The following PLD1 variants were observed in gnomAD, a reference collection of about 807,000 sequenced individuals.
PLD1 encodes choline phosphatase 1.
PLD1 carries 112 observed loss-of-function variants against 137.1 expected under a neutral mutation model. That is an observed-to-expected ratio of 0.82 (90% CI 0.70 to 0.96). PLD1 has a LOEUF of 0.96. Among genes scored for constraint, PLD1 ranks in the 40% least tolerant of loss-of-function variants. The probability of loss-of-function intolerance (pLI) is 0.00; values close to 1 mark genes in which losing one functional copy is unlikely to be tolerated. For synonymous variants in PLD1, 431 were observed against 454.7 expected (o/e 0.95, Z 0.66); for missense variants, 1,321 against 1,342.0 (o/e 0.98, Z 0.24).
At chr3:171,763,939 A>G (rs1293767281) in intron 1 of PLD1, among the ~76,000 whole-genome samples, 1 of 149,762 alleles carries the variant, frequency 6.7e-6, no homozygotes, top group Non-Finnish European at 1.5e-5. Context: ...TCTTTCTCAG[A>G]CATCATTAGG....
chr3:171,626,811 T>C (rs1734154907), intron 23 of PLD1, among the ~76,000 whole-genome samples: 1 of 152,172 alleles, frequency 6.6e-6, no homozygotes, highest in Admixed American at 6.5e-5. Context: ...CTGAGACATT[T>C]TGTCACCTCC....
At chr3:171,605,207 AC>A in intron 26 of PLD1, 91 bp downstream of exon 26, 1 of 817,444 alleles carries the variant, frequency 1.2e-6, no homozygotes, top group Non-Finnish European at 2.2e-6. Flanking sequence ...TATTAAGAAT[AC>A]CCTGTACCAA....
intron 16 of PLD1, among the ~76,000 whole-genome samples, chr3:171,682,040 T>C (rs1489781769): frequency 6.6e-6 from 1 of 151,596 alleles, no homozygotes; most frequent in African/African-American, 2.4e-5. Flanking sequence ...GTGGCACTTG[T>C]ATACCTATGT....
At chr3:171,671,717 A>G (rs951827404) in intron 19 of PLD1, among the ~76,000 whole-genome samples, 1 of 152,128 alleles carries the variant, frequency 6.6e-6, no homozygotes, top group African/African-American at 2.4e-5. Context: ...TGGTGGTTTT[A>G]TAATACACTG....
At chr3:171,673,410 T>C (rs941349968) in intron 19 of PLD1, among the ~76,000 whole-genome samples, 3 of 151,812 alleles carry the variant, frequency 2.0e-5, no homozygotes, top group Non-Finnish European at 4.4e-5. Flanking sequence ...GCCTCCCGAG[T>C]AGCTAGGATT....
chr3:171,736,947 G>C (rs1011235396), intron 3 of PLD1, among the ~76,000 whole-genome samples: 18 of 152,202 alleles, frequency 1.2e-4, no homozygotes, highest in African/African-American at 4.3e-4. Context: ...TTACTCCAAA[G>C]CCTTTTCAGC....
At chr3:171,620,742 CTA>C (rs869115087) in intron 23 of PLD1, among the ~76,000 whole-genome samples, 37,375 of 93,812 alleles carry the variant, frequency 0.4, 7,631 homozygotes, top group East Asian at 0.52. Flanking sequence ...CTCTCTCTCT[CTA>C]TATATATATA....
At chr3:171,726,631 G>A (rs1718534481) in intron 6 of PLD1, among the ~76,000 whole-genome samples, 1 of 151,664 alleles carries the variant, frequency 6.6e-6, no homozygotes, top group Admixed American at 6.6e-5. Flanking sequence ...GAATGGGGAG[G>A]GCTTTGAACA....
chr3:171,633,749 C>A (rs955831282), intron 23 of PLD1, among the ~76,000 whole-genome samples: 19 of 152,050 alleles, frequency 1.2e-4, no homozygotes, highest in Non-Finnish European at 7.4e-5. Flanking sequence ...AGTATATGTA[C>A]GTATCTAATC....
At chr3:171,632,704 T>G (rs567333523) in intron 23 of PLD1, among the ~76,000 whole-genome samples, 158 of 152,346 alleles carry the variant, frequency 1.0e-3, no homozygotes, top group African/African-American at 3.6e-3. Flanking sequence ...GAAGGATATA[T>G]GGCAGTCCTG....
chr3:171,706,089 T>TAC (rs1221195707), intron 11 of PLD1, among the ~76,000 whole-genome samples: 1 of 151,940 alleles, frequency 6.6e-6, no homozygotes, highest in Non-Finnish European at 1.5e-5. Context: ...CAGAAAGAAA[T>TAC]ACATTATACA....
At chr3:171,746,822 G>A (rs1720224381) in intron 1 of PLD1, among the ~76,000 whole-genome samples, 1 of 152,224 alleles carries the variant, frequency 6.6e-6, no homozygotes, top group South Asian at 2.1e-4. Context: ...GCCCAGATAA[G>A]GCAATAAAAG....
At chr3:171,709,491 G>A in intron 10 of PLD1, 69 bp downstream of exon 10, 3 of 1,324,022 alleles carry the variant, frequency 2.3e-6, no homozygotes, top group Non-Finnish European at 3.2e-6. Flanking sequence ...CTGATTCCAG[G>A]TGAATTTAGG....
chr3:171,682,190 G>A (rs1275687651), intron 16 of PLD1, among the ~76,000 whole-genome samples: 1 of 144,786 alleles, frequency 6.9e-6, no homozygotes, highest in African/African-American at 2.6e-5. Flanking sequence ...AAGAAAGAAA[G>A]GGAATAAAAT....
chr3:171,616,738 T>C (rs1452295857), intron 24 of PLD1, among the ~76,000 whole-genome samples: 1 of 152,176 alleles, frequency 6.6e-6, no homozygotes, highest in Non-Finnish European at 1.5e-5. Context: ...TCTAAAAGAA[T>C]GCAACAGCCC....
At position 171,737,881 on chromosome 3, in the gene PLD1, TC is replaced by T. The variant is rs754712936; in HGVS notation, c.160+10del. The T allele has an allele frequency of 1.9e-6, 3 of 1,611,330 alleles. No homozygotes were observed. Among genetic ancestry groups the T allele is most frequent in the African/African-American group, 1.3e-5 (1 of 74,716 alleles). Reference sequence around the variant, plus strand: ...ACTCTTTTCTTCCCCGCTCAGATCATCCGTCTTTACCTTCTTGTATCTTGGG... The same window carrying T: ...ACTCTTTTCTTCCCCGCTCAGATCATCGTCTTTACCTTCTTGTATCTTGGG... On this transcript the variant is annotated intron_variant, in intron 2 of 26. Transcript: ENST00000351298.
chr3:171,711,551 C>T (rs946763615), intron 9 of PLD1, among the ~76,000 whole-genome samples: 3 of 151,948 alleles, frequency 2.0e-5, no homozygotes, highest in Admixed American at 2.0e-4. Flanking sequence ...ATTTGTTCAT[C>T]GATTCCTATT....
chr3:171,665,593 G>A (rs574167662), intron 19 of PLD1, among the ~76,000 whole-genome samples: 4 of 152,030 alleles, frequency 2.6e-5, no homozygotes, highest in Non-Finnish European at 5.9e-5. Context: ...CCAGCTACTC[G>A]GGAGGCTGAG....
intron 21 of PLD1, chr3:171,654,076 GGAT>G: frequency 2.6e-6 from 1 of 378,694 alleles, no homozygotes; most frequent in Non-Finnish European, 5.2e-6. Context: ...CGAGGTGGGC[GGAT>G]CACTTGAGGT....
Sources: gnomAD v4.1 joint callset for allele counts (sites outside exome capture counted in the v4.1 genomes callset) on GRCh38, gnomAD v4.1.1 for gene constraint, MANE v1.5 for transcripts, NCBI Gene and HGNC (gene_info 2026-07-23, HGNC 2026-07-21) for gene names.